The following PPM1L variants were observed in gnomAD, a reference collection of about 807,000 sequenced individuals.
The protein encoded by PPM1L is protein phosphatase 1L.
In PPM1L, 13 loss-of-function variants were observed where a neutral mutation model predicts 31.4. That is an observed-to-expected ratio of 0.41 (90% confidence interval 0.27 to 0.66). PPM1L has a LOEUF of 0.66. Among genes scored for constraint, PPM1L ranks in the 30% least tolerant of loss-of-function variants. The probability of loss-of-function intolerance (pLI) is 0.29; values close to 1 mark genes in which losing one functional copy is unlikely to be tolerated. For missense variants in PPM1L, 326 were observed against 453.7 expected (o/e 0.72, Z 2.56); for synonymous variants, 184 against 175.4 (o/e 1.05, Z -0.39).
intron 1 of PPM1L, among the ~76,000 whole-genome samples, chr3:160,764,144 G>T (rs1338142128): frequency 6.6e-6 from 1 of 151,860 alleles, no homozygotes; most frequent in Non-Finnish European, 1.5e-5. Context: ...TTTTTAGGGG[G>T]TGGGGTGGGC....
At chr3:160,821,376 A>G in intron 1 of PPM1L, among the ~76,000 whole-genome samples, 1 of 151,766 alleles carries the variant, frequency 6.6e-6, no homozygotes, top group East Asian at 1.9e-4. Flanking sequence ...GTAACCCCAT[A>G]TTTTGTTTTG....
intron 1 of PPM1L, among the ~76,000 whole-genome samples, chr3:160,820,044 G>A (rs1418678684): frequency 6.6e-6 from 1 of 151,968 alleles, no homozygotes; most frequent in Non-Finnish European, 1.5e-5. Flanking sequence ...CAGTAAGTGG[G>A]GACAATGTAG....
intron 2 of PPM1L, among the ~76,000 whole-genome samples, chr3:161,016,437 A>T (rs1435581211): frequency 6.6e-6 from 1 of 152,294 alleles, no homozygotes; most frequent in Admixed American, 6.5e-5. Context: ...TAAATTGGGT[A>T]AGTATGTGTA....
chr3:160,878,763 T>A (rs1014606357), intron 1 of PPM1L, among the ~76,000 whole-genome samples: 15 of 152,212 alleles, frequency 9.9e-5, no homozygotes, highest in African/African-American at 3.4e-4. Context: ...AGCCCCTTTT[T>A]AAAAATATCA....
chr3:160,883,597 A>G (rs1227165457), intron 1 of PPM1L, among the ~76,000 whole-genome samples: 1 of 152,076 alleles, frequency 6.6e-6, no homozygotes, highest in East Asian at 1.9e-4. Flanking sequence ...GGGCAGAAAA[A>G]TAGAACTTTT....
At chr3:160,941,726 G>T (rs1276188551) in intron 1 of PPM1L, among the ~76,000 whole-genome samples, 2 of 152,144 alleles carry the variant, frequency 1.3e-5, no homozygotes, top group African/African-American at 4.8e-5. Context: ...CTAATACATG[G>T]TGTTTCTGAG....
At chr3:161,012,755 A>T (rs1187290848) in intron 2 of PPM1L, among the ~76,000 whole-genome samples, 1 of 152,112 alleles carries the variant, frequency 6.6e-6, no homozygotes, top group African/African-American at 2.4e-5. Context: ...GGGAGAGTGT[A>T]TGTGTTGAGG....
chr3:160,757,866 G>A (rs1341416101), intron 1 of PPM1L, among the ~76,000 whole-genome samples: 1 of 152,202 alleles, frequency 6.6e-6, no homozygotes, highest in Non-Finnish European at 1.5e-5. Flanking sequence ...GGGAACTGCA[G>A]GGACTGCCAT....
chr3:160,845,798 A>G (rs1714058031), intron 1 of PPM1L, among the ~76,000 whole-genome samples: 1 of 151,996 alleles, frequency 6.6e-6, no homozygotes, highest in South Asian at 2.1e-4. Flanking sequence ...TGCCAGTATC[A>G]TTTGTTGAAT....
chr3:161,054,909 A>T (rs1033867034), intron 2 of PPM1L, among the ~76,000 whole-genome samples: 3 of 151,974 alleles, frequency 2.0e-5, no homozygotes, highest in African/African-American at 7.2e-5. Context: ...TCCTCTCTTA[A>T]CATAAAATGA....
At chr3:160,774,026 A>G (rs950239491) in intron 1 of PPM1L, among the ~76,000 whole-genome samples, 1 of 152,186 alleles carries the variant, frequency 6.6e-6, no homozygotes, top group African/African-American at 2.4e-5. Flanking sequence ...CTTTCTGAGC[A>G]CAGGGCTCCC....
intron 1 of PPM1L, among the ~76,000 whole-genome samples, chr3:160,827,922 G>A (rs1713404591): frequency 6.6e-6 from 1 of 152,052 alleles, no homozygotes; most frequent in African/African-American, 2.4e-5. Context: ...AAGGTGAGGC[G>A]GGAGCAGGCA....
chr3:160,968,892 T>C (rs1559907474), intron 2 of PPM1L, among the ~76,000 whole-genome samples: 1 of 152,218 alleles, frequency 6.6e-6, no homozygotes, highest in Non-Finnish European at 1.5e-5. Context: ...CTCAGAGTTC[T>C]CAGACCAGCA....
intron 2 of PPM1L, among the ~76,000 whole-genome samples, chr3:161,038,570 T>C (rs1254244072): frequency 1.7e-5 from 2 of 115,244 alleles, no homozygotes; most frequent in African/African-American, 3.3e-5. Context: ...CCTCCCAAAA[T>C]GCTGGGATTT....
intron 2 of PPM1L, among the ~76,000 whole-genome samples, chr3:161,049,342 C>G (rs1333959097): frequency 6.6e-6 from 1 of 152,082 alleles, no homozygotes. Context: ...AAGAAACTTT[C>G]TGAGTACCAA....
At chr3:160,925,547 C>T (rs975930313) in intron 1 of PPM1L, among the ~76,000 whole-genome samples, 1 of 152,080 alleles carries the variant, frequency 6.6e-6, no homozygotes, top group Admixed American at 6.6e-5. Context: ...TCTCAGGAGG[C>T]TGTTTTACTG....
Position 161,065,391 on chromosome 3 carries a change from T to C in PPM1L, c.575-12T>C, listed in dbSNP as rs768619367. 1.6e-5 allele frequency: 26 copies of C among 1,613,100 alleles called. No homozygotes were observed. Among genetic ancestry groups the C allele is most frequent in the Admixed American group, 5.0e-5 (3 of 59,950 alleles). On this transcript the variant is annotated splice_polypyrimidine_tract_variant and intron_variant, in intron 2 of 3. Transcript: ENST00000498165. ...CTGACCTCCCGCGTTCTCTCTCTCTTCTATTTTTCAGGCACAACGTGTTTG... is the reference window on the plus strand; with the variant it reads ...CTGACCTCCCGCGTTCTCTCTCTCTCCTATTTTTCAGGCACAACGTGTTTG...
chr3:161,060,074 G>C (rs1719525044), intron 2 of PPM1L, among the ~76,000 whole-genome samples: 1 of 152,024 alleles, frequency 6.6e-6, no homozygotes, highest in Non-Finnish European at 1.5e-5. Flanking sequence ...ATATTCTAAA[G>C]GGAAAGACTG....
chr3:160,931,989 T>G (rs186483957), intron 1 of PPM1L, among the ~76,000 whole-genome samples: 1 of 125,182 alleles, frequency 8.0e-6, no homozygotes, highest in Admixed American at 7.6e-5. Flanking sequence ...GAGTCATTCT[T>G]TTGTTTTTTT....
Sources: gnomAD v4.1 joint callset for allele counts (sites outside exome capture counted in the v4.1 genomes callset) on GRCh38, gnomAD v4.1.1 for gene constraint, MANE v1.5 for transcripts, NCBI Gene and HGNC (gene_info 2026-07-23, HGNC 2026-07-21) for gene names.